Variants in EFHC2 observed in about 807,000 individuals in gnomAD.
EFHC2 encodes the protein EF-hand domain containing 2.
In EFHC2, 18 loss-of-function variants were observed where a neutral mutation model predicts 52.7. That is an observed-to-expected ratio of 0.34 (90% CI 0.24 to 0.51). The LOEUF is 0.51. Ranked by LOEUF, EFHC2 falls within the 20% of genes least tolerant of loss-of-function variation. EFHC2 has a pLI of 0.97. For missense variants in EFHC2, 513 were observed against 562.5 expected, an observed-to-expected ratio of 0.91 and a Z score of 0.89; for synonymous variants, 203 against 204.1, an observed-to-expected ratio of 0.99 and a Z score of 0.04.
At chrX:44,164,740 C>G (rs1312393307) in intron 13 of EFHC2, among the ~76,000 whole-genome samples, 1 of 111,835 alleles carries the variant, frequency 8.9e-6, no homozygotes, top group African/African-American at 3.2e-5. Flanking sequence ...TTTCTTTAGA[C>G]TTTTGTGTAT....
intron 11 of EFHC2, among the ~76,000 whole-genome samples, chrX:44,219,521 A>G (rs1233920400): frequency 9.0e-6 from 1 of 111,443 alleles, no homozygotes; most frequent in Non-Finnish European, 1.9e-5. Context: ...ATGTGTGACA[A>G]AGCAAGTAAA....
At chrX:44,281,534 A>G (rs955948872) in intron 2 of EFHC2, among the ~76,000 whole-genome samples, 18 of 111,982 alleles carry the variant, frequency 1.6e-4, no homozygotes, top group African/African-American at 4.5e-4. Context: ...CAACCCAAAT[A>G]TCAGATGAAG....
intron 1 of EFHC2, among the ~76,000 whole-genome samples, chrX:44,335,191 G>A (rs1440947700): frequency 9.4e-6 from 1 of 106,706 alleles, no homozygotes; most frequent in East Asian, 2.9e-4. Flanking sequence ...ACAATTTGCT[G>A]TTTTAAAAAT....
rs748282011 is a variant in EFHC2 at position 44,215,908 on chromosome X, T to C, written c.1751+13741A>G. Among the ~76,000 whole-genome samples, 33 of 111,508 alleles carry C rather than the reference T, an allele frequency of 3.0e-4. No individual in the cohort carries two copies. The South Asian group carries it at 6.4e-3, about 22-fold the overall frequency. ...ATGTATCTATATATATCCACATACA[T>C]ACATATTTCTGCATTTTAATTATAT... On this transcript the variant is annotated intron_variant, in intron 11 of 14. Coordinates refer to ENST00000420999, the MANE Select transcript of EFHC2 (RefSeq NM_025184.4).
chrX:44,280,027 C>CCAAACACACACA (rs1556018413), intron 2 of EFHC2, among the ~76,000 whole-genome samples: 1 of 76,200 alleles, frequency 1.3e-5, no homozygotes, highest in Admixed American at 1.7e-4. Flanking sequence ...CCACCATCCC[C>CCAAACACACACA]CATACACACA....
intron 2 of EFHC2, among the ~76,000 whole-genome samples, chrX:44,283,039 CGTTGGGGATCAG>C (rs1045967081): frequency 1.8e-5 from 2 of 111,434 alleles, no homozygotes; most frequent in African/African-American, 6.5e-5. Context: ...TCCAGCTGGC[CGTTGGGGATCAG>C]GGCATCTAGG....
At chrX:44,276,250 T>C (rs781688388) in intron 2 of EFHC2, among the ~76,000 whole-genome samples, 17 of 111,126 alleles carry the variant, frequency 1.5e-4, no homozygotes, top group Non-Finnish European at 2.8e-4. Flanking sequence ...CATGGGTCCC[T>C]GTCTCTCCAA....
At chrX:44,230,144 A>G (rs2037264698) in intron 10 of EFHC2, among the ~76,000 whole-genome samples, 1 of 111,312 alleles carries the variant, frequency 9.0e-6, no homozygotes, top group Non-Finnish European at 1.9e-5. Context: ...AAACTGGATA[A>G]GTAGCCCTCC....
At chrX:44,159,552 G>A (rs1489237901) in intron 14 of EFHC2, among the ~76,000 whole-genome samples, 1 of 112,241 alleles carries the variant, frequency 8.9e-6, no homozygotes, top group Non-Finnish European at 1.9e-5. Flanking sequence ...CTCATTATTG[G>A]TGAAATTGAT....
chrX:44,313,886 C>T lies in EFHC2; in HGVS notation c.43-1130G>A, dbSNP rs1458965341. Among the ~76,000 whole-genome samples the T allele has an allele frequency of 7.2e-5, 8 of 110,882 alleles. No individual in the cohort carries two copies. In the South Asian group the frequency reaches 1.1e-3, roughly 16 times the overall value. On this transcript the variant is annotated intron_variant, in intron 1 of 14. Transcript: ENST00000420999. Reference sequence around the variant, plus strand: ...AGGAGAATCGTTTGAACCTGGGAGGCGGAGGTTGCAGTGAGCCGAAATCAT... The same window carrying T: ...AGGAGAATCGTTTGAACCTGGGAGGTGGAGGTTGCAGTGAGCCGAAATCAT...
rs768087662 is a variant in EFHC2, at chrX:44,261,278, G to A, written c.403C>T (p.Arg135Trp). Reference sequence around the variant, plus strand: ...TCATCAGGAGGCGGAAGAGTAATCCGATGACGCCGGATAGAAGTCCCTATG... The same window carrying A: ...TCATCAGGAGGCGGAAGAGTAATCCAATGACGCCGGATAGAAGTCCCTATG... ...LLQGTSIRRH[R>W]ITLPPPDEDQ... Residue 135 changes from arginine to tryptophan, a missense_variant, in exon 4 of 15, where the codon CGG (arginine) becomes TGG (tryptophan). Transcript: ENST00000420999. 4.1e-5 allele frequency: 49 copies of A among 1,187,289 alleles called. No homozygotes were observed. Among genetic ancestry groups the A allele is most frequent in the Non-Finnish European group, 7.9e-6 (7 of 882,276 alleles).
At chrX:44,307,784 A>C (rs376172196) in intron 2 of EFHC2, among the ~76,000 whole-genome samples, 44 of 111,093 alleles carry the variant, frequency 4.0e-4, no homozygotes, top group East Asian at 3.7e-3. Flanking sequence ...AAATAAAAAA[A>C]TTAGCCAGGT....
At chrX:44,195,679 T>C (rs1233584334) in intron 11 of EFHC2, among the ~76,000 whole-genome samples, 2 of 111,002 alleles carry the variant, frequency 1.8e-5, no homozygotes, top group African/African-American at 6.6e-5. Flanking sequence ...CTGAACAGTA[T>C]TCTGATGGAA....
rs1455111577 is a variant in EFHC2 at position 44,248,788 on chromosome X, T to C, written c.972+15A>G. 1.7e-6 allele frequency: 2 copies of C among 1,176,974 alleles called. No individual in the cohort carries two copies. The highest frequency in any genetic ancestry group is 1.8e-5 in the African/African-American group (1 of 56,457). On this transcript the variant is annotated intron_variant, in intron 6 of 14. Coordinates refer to ENST00000420999, the MANE Select transcript of EFHC2 (RefSeq NM_025184.4). ...GTCACACTAGAAACAGGTAATAAAA[T>C]ATGAGGTTCCTTCCCTTATATCTAT...
At chrX:44,230,181 TC>T (rs2037265009) in intron 10 of EFHC2, among the ~76,000 whole-genome samples, 1 of 110,852 alleles carries the variant, frequency 9.0e-6, no homozygotes, top group Non-Finnish European at 1.9e-5. Flanking sequence ...TAGAATGGGG[TC>T]CCCCTGGAAC....
chrX:44,342,811 G>A (rs2038158908), intron 1 of EFHC2, among the ~76,000 whole-genome samples: 1 of 102,572 alleles, frequency 9.7e-6, no homozygotes, highest in Non-Finnish European at 1.9e-5. Context: ...GGGAGGTGGA[G>A]GTTGCAGTGA....
intron 4 of EFHC2, among the ~76,000 whole-genome samples, chrX:44,251,868 T>C (rs781413047): frequency 3.7e-5 from 4 of 109,215 alleles, no homozygotes; most frequent in Non-Finnish European, 7.6e-5. Flanking sequence ...GGTTACTCAA[T>C]TGCACACATT....
At chrX:44,295,384 T>C (rs897680725) in intron 2 of EFHC2, among the ~76,000 whole-genome samples, 2 of 111,455 alleles carry the variant, frequency 1.8e-5, no homozygotes, top group Non-Finnish European at 3.8e-5. Flanking sequence ...ATGTGCAAAG[T>C]TATGGGAGCA....
intron 11 of EFHC2, among the ~76,000 whole-genome samples, chrX:44,215,091 G>A (rs890460700): frequency 2.6e-4 from 29 of 111,220 alleles, no homozygotes; most frequent in African/African-American, 9.2e-4. Flanking sequence ...GCACTTCCCC[G>A]CTTGCTCTCT....
Sources: allele counts gnomAD v4.1 joint callset (sites outside exome capture counted in the v4.1 genomes callset), GRCh38; gene constraint gnomAD v4.1.1; transcripts MANE v1.5; gene names NCBI Gene and HGNC (gene_info 2026-07-23, HGNC 2026-07-21).